The following ZBTB34 variants were observed in gnomAD, a reference collection of about 807,000 sequenced individuals.
The protein encoded by ZBTB34 is zinc finger and BTB domain-containing protein 34.
ZBTB34 carries 1 observed loss-of-function variant against 33.4 expected under a neutral mutation model. The observed-to-expected ratio is 0.03, with a 90% confidence interval of 0.01 to 0.14. The LOEUF (loss-of-function observed/expected upper bound fraction) is 0.14. Among genes scored for constraint, ZBTB34 ranks in the 10% least tolerant of loss-of-function variants. The pLI, the probability that ZBTB34 is intolerant of heterozygous loss-of-function variation, is 1.00. For missense variants in ZBTB34, 406 were observed against 657.2 expected (o/e 0.62, Z 4.18); for synonymous variants, 283 against 253.5 (o/e 1.12, Z -1.11).
intron 1 of ZBTB34, among the ~76,000 whole-genome samples, chr9:126,867,991 C>T (rs2119211015): frequency 6.6e-6 from 1 of 152,106 alleles, no homozygotes; most frequent in East Asian, 1.9e-4. Flanking sequence ...TGCCTTTTTG[C>T]CTCTTTTACT....
exon 2 of ZBTB34, chr9:126,882,611 A>G (rs1179312356): frequency 6.0e-6 from 1 of 167,108 alleles, no homozygotes; most frequent in East Asian, 1.9e-4. Flanking sequence ...TATCTGCCTG[A>G]GAACCTGGGC....
At chr9:126,864,328 A>G (rs1282625979) in intron 1 of ZBTB34, among the ~76,000 whole-genome samples, 1 of 152,096 alleles carries the variant, frequency 6.6e-6, no homozygotes, top group East Asian at 1.9e-4. Context: ...TACTTACCAT[A>G]CTGTACACAG....
At chr9:126,864,903 G>A (rs182189995) in intron 1 of ZBTB34, among the ~76,000 whole-genome samples, 4 of 152,204 alleles carry the variant, frequency 2.6e-5, no homozygotes, top group African/African-American at 9.6e-5. Context: ...GAAAATTAGG[G>A]ATCTTCAGGT....
At chr9:126,874,033 G>GTT (rs2033318002) in intron 1 of ZBTB34, among the ~76,000 whole-genome samples, 1 of 113,486 alleles carries the variant, frequency 8.8e-6, no homozygotes, top group African/African-American at 3.3e-5. Flanking sequence ...TGCTGTGTAT[G>GTT]TTCTTTTTTT....
chr9:126,864,792 T>G (rs1206357566), intron 1 of ZBTB34, among the ~76,000 whole-genome samples: 4 of 152,180 alleles, frequency 2.6e-5, no homozygotes, highest in Non-Finnish European at 5.9e-5. Flanking sequence ...CAGGCAGAAA[T>G]ACCTAGAAAA....
At chr9:126,870,403 A>G (rs1382589141) in intron 1 of ZBTB34, among the ~76,000 whole-genome samples, 2 of 152,208 alleles carry the variant, frequency 1.3e-5, no homozygotes, top group African/African-American at 2.4e-5. Flanking sequence ...AATATTTCCT[A>G]TAAATGTAGG....
chr9:126,861,050 G>A (rs1165861135), intron 1 of ZBTB34, among the ~76,000 whole-genome samples: 3 of 152,026 alleles, frequency 2.0e-5, no homozygotes, highest in African/African-American at 7.2e-5. Flanking sequence ...AGCTGCCCTG[G>A]GCTCCCAGCC....
chr9:126,863,255 AAAATCC>A (rs2033163771), intron 1 of ZBTB34, among the ~76,000 whole-genome samples: 1 of 152,226 alleles, frequency 6.6e-6, no homozygotes, highest in African/African-American at 2.4e-5. Flanking sequence ...GGAGGATAAT[AAAATCC>A]AATGAACTGT....
intron 1 of ZBTB34, among the ~76,000 whole-genome samples, chr9:126,864,032 C>T (rs2033172359): frequency 6.6e-6 from 1 of 152,172 alleles, no homozygotes; most frequent in Non-Finnish European, 1.5e-5. Context: ...CTGACTTTGT[C>T]TGTGTGGTGG....
exon 2 of ZBTB34, chr9:126,885,528 T>C (rs2033510667): frequency 6.0e-6 from 1 of 167,118 alleles, no homozygotes; most frequent in Non-Finnish European, 1.5e-5. Context: ...CCGTTATAAA[T>C]GGTTGAGCAA....
intron 1 of ZBTB34, among the ~76,000 whole-genome samples, chr9:126,868,477 C>A (rs2033237655): frequency 6.6e-6 from 1 of 152,174 alleles, no homozygotes; most frequent in South Asian, 2.1e-4. Flanking sequence ...GTGGCTTGTA[C>A]CCACAGTGCC....
At chr9:126,869,098 C>T (rs545496985) in intron 1 of ZBTB34, among the ~76,000 whole-genome samples, 10 of 152,208 alleles carry the variant, frequency 6.6e-5, no homozygotes, top group African/African-American at 2.2e-4. Flanking sequence ...TTGGTCACAG[C>T]GAATATGCAG....
chr9:126,867,757 A>AT (rs1443426373), intron 1 of ZBTB34, among the ~76,000 whole-genome samples: 3 of 141,724 alleles, frequency 2.1e-5, no homozygotes, highest in Non-Finnish European at 1.5e-5. Context: ...GTTGTCTTTC[A>AT]TTTTTTTGTT....
At chr9:126,870,078 T>C (rs1218039450) in intron 1 of ZBTB34, among the ~76,000 whole-genome samples, 4 of 152,210 alleles carry the variant, frequency 2.6e-5, no homozygotes, top group Non-Finnish European at 5.9e-5. Context: ...CTAATTTGGG[T>C]GTGGTTTTTT....
chr9:126,868,570 G>C (rs531785676), intron 1 of ZBTB34, among the ~76,000 whole-genome samples: 1 of 152,288 alleles, frequency 6.6e-6, no homozygotes, highest in East Asian at 1.9e-4. Flanking sequence ...AAAGCTGCTC[G>C]CCTTCAGCTG....
At chr9:126,872,627 T>C (rs115681206) in intron 1 of ZBTB34, among the ~76,000 whole-genome samples, 1,962 of 152,308 alleles carry the variant, frequency 0.013, 53 homozygotes, top group East Asian at 0.1. Flanking sequence ...CTGATAAATC[T>C]ACACATGGAG....
At position 126,880,677 on chromosome 9, in the gene ZBTB34, T is replaced by C. The variant is rs1283472902; in HGVS notation, c.1278T>C (p.His426=). The change falls in exon 2 of 2, where the codon CAT becomes CAC. Residue 426 remains histidine, a synonymous_variant. Coordinates refer to ENST00000319119, the Ensembl canonical transcript of ZBTB34. This position sits in a 1 kb window ranked among gnomAD's most constrained non-coding sequence, Gnocchi z 6.7. ...AACTGGAGTACCACATCCGGGGCCA[T>C]ACAGATGATAAACCATTCCGCTGTG... is the stretch of plus-strand genomic sequence containing the variant. The C allele has an allele frequency of 1.9e-6, 3 of 1,613,772 alleles. No homozygotes were observed. The highest frequency in any genetic ancestry group is 1.1e-5 in the South Asian group (1 of 91,076).
intron 1 of ZBTB34, among the ~76,000 whole-genome samples, chr9:126,868,146 C>T (rs2033232708): frequency 6.6e-6 from 1 of 151,946 alleles, no homozygotes; most frequent in African/African-American, 2.4e-5. Flanking sequence ...GTTCTTAAGC[C>T]CCTTTGGGTA....
chr9:126,879,684 A>G lies in ZBTB34; in HGVS notation c.285A>G (p.Arg95=). ...TGCTTTCTTTTTGTTACACTGGAAG[A>G]ATGTCCTTGCAGCTGAAGGATGTTG... is the stretch of plus-strand genomic sequence containing the variant. The change falls in exon 2 of 2, where the codon AGA becomes AGG. Residue 95 remains arginine (R), a synonymous_variant. Transcript: ENST00000319119. This position sits in a 1 kb window ranked among gnomAD's most constrained non-coding sequence, Gnocchi z 6.4. 1 of 1,613,580 alleles carries G rather than the reference A, an allele frequency of 6.2e-7. No homozygotes were observed. The highest frequency in any genetic ancestry group is 8.5e-7 in the Non-Finnish European group (1 of 1,179,886).
Sources: allele counts gnomAD v4.1 joint callset (sites outside exome capture counted in the v4.1 genomes callset), GRCh38; gene constraint gnomAD v4.1.1; non-coding constraint Gnocchi (gnomAD v3.1); transcripts MANE v1.5; gene names NCBI Gene and HGNC (gene_info 2026-07-23, HGNC 2026-07-21).